MYO9B: variants seen among roughly 807,000 people sequenced by gnomAD.
MYO9B encodes the protein myosin IXB, also known as unconventional myosin-IXb.
In MYO9B, 71 loss-of-function variants were observed where a neutral mutation model predicts 229.5. That is an observed-to-expected ratio of 0.31 (90% CI 0.26 to 0.38). The LOEUF (loss-of-function observed/expected upper bound fraction) is 0.38. MYO9B is among the 10% of genes least tolerant of loss of function. The pLI is 1.00. For missense variants in MYO9B, 2,255 were observed against 2,920.5 expected (o/e 0.77, Z 5.25); for synonymous variants, 1,185 against 1,235.8 (o/e 0.96, Z 0.86).
chr19:17,102,666 T>G (rs2057756509), intron 2 of MYO9B, 109 bp downstream of exon 2: 1 of 1,401,526 alleles, frequency 7.1e-7, no homozygotes. Context: ...TTTGGAAGGC[T>G]GAGGGAGGAG....
At chr19:17,122,029 C>T (rs1203548297) in intron 2 of MYO9B, among the ~76,000 whole-genome samples, 1 of 151,898 alleles carries the variant, frequency 6.6e-6, no homozygotes, top group East Asian at 1.9e-4. Context: ...GTTCAAGTCC[C>T]TGTGGTTTGG....
chr19:17,203,324 G>T (rs2073127943), intron 30 of MYO9B, 66 bp downstream of exon 30: 3 of 1,272,170 alleles, frequency 2.4e-6, no homozygotes, highest in Non-Finnish European at 3.3e-6. Context: ...CTGCTCAAGA[G>T]GTCTTCAGGG....
chr19:17,143,194 G>A (rs1003625014), intron 2 of MYO9B, among the ~76,000 whole-genome samples: 5 of 151,756 alleles, frequency 3.3e-5, no homozygotes, highest in South Asian at 2.1e-4. Flanking sequence ...AGCTGAGATC[G>A]TGCCATTGTA....
At chr19:17,109,360 C>T (rs768517082) in intron 2 of MYO9B, among the ~76,000 whole-genome samples, 22 of 152,068 alleles carry the variant, frequency 1.4e-4, no homozygotes, top group Admixed American at 6.6e-5. Context: ...CCACTGCGCC[C>T]GGCCATCATT....
Position 17,203,168 on chromosome 19 carries a change from G to T in MYO9B, c.4900G>T (p.Val1634Leu). ...ERAVQEHNGH[V>L]FASYQVSIPQ... ...ACAGGTCCAGGAGCACAACGGGCAC[G>T]TGTTCGCCAGCTACCAGGTTAGCAT... Residue 1634 changes from valine to leucine, a missense_variant, in exon 30 of 40, where the codon GTG becomes TTG. By Grantham distance (32) the Val-to-Leu change is conservative. This residue lies in a region of MYO9B where 416 missense variants were observed against 605.5 expected (regional missense o/e 0.69). Transcript: ENST00000682292. 4 of 1,575,406 alleles carry T rather than the reference G, an allele frequency of 2.5e-6. No individual in the cohort carries two copies. The highest frequency in any genetic ancestry group is 3.4e-6 in the Non-Finnish European group (4 of 1,160,456).
intron 1 of MYO9B, among the ~76,000 whole-genome samples, chr19:17,099,459 T>C (rs917914133): frequency 2.3e-4 from 35 of 151,064 alleles, no homozygotes; most frequent in African/African-American, 7.3e-4. Flanking sequence ...AAAGCCCAGA[T>C]TGGCCTGGCG....
intron 1 of MYO9B, among the ~76,000 whole-genome samples, chr19:17,096,897 G>A (rs1318396549): frequency 8.1e-6 from 1 of 123,886 alleles, no homozygotes; most frequent in African/African-American, 3.2e-5. Flanking sequence ...AGTAGAGATG[G>A]GGTTTCACCA....
intron 34 of MYO9B, 143 bp from the exon 35 acceptor site, chr19:17,206,968 CTG>C: frequency 7.5e-7 from 1 of 1,330,612 alleles, no homozygotes; most frequent in Non-Finnish European, 1.1e-6. Context: ...AGGTACCTCT[CTG>C]TGCTGCGGAA....
At chr19:17,116,569 C>G (rs2145103329) in intron 2 of MYO9B, among the ~76,000 whole-genome samples, 1 of 152,308 alleles carries the variant, frequency 6.6e-6, no homozygotes, top group African/African-American at 2.4e-5. Flanking sequence ...GCAGCATTCC[C>G]AGCCCTGGTG....
intron 4 of MYO9B, 140 bp from the exon 5 acceptor site, chr19:17,153,827 A>G: frequency 1.6e-6 from 1 of 637,090 alleles, no homozygotes. Flanking sequence ...TTTTTTTAAG[A>G]CATAGTAAGA....
At chr19:17,145,680 G>A (rs2072400335) in intron 3 of MYO9B, among the ~76,000 whole-genome samples, 189 bp downstream of exon 3, 1 of 152,200 alleles carries the variant, frequency 6.6e-6, no homozygotes, top group Non-Finnish European at 1.5e-5. Flanking sequence ...AGGAAATGTG[G>A]GCAGGGGCTG....
intron 2 of MYO9B, among the ~76,000 whole-genome samples, chr19:17,124,046 G>A (rs903444524): frequency 3.3e-5 from 5 of 151,106 alleles, no homozygotes; most frequent in African/African-American, 7.3e-5. Context: ...CCACCATCAA[G>A]TCTGGCTAAT....
intron 6 of MYO9B, among the ~76,000 whole-genome samples, 161 bp from the exon 7 acceptor site, chr19:17,156,748 C>T (rs1302775195): frequency 6.6e-6 from 1 of 152,162 alleles, no homozygotes; most frequent in African/African-American, 2.4e-5. Context: ...AAGTCACATT[C>T]CACAGAGGCC....
Position 17,187,581 on chromosome 19 carries a change from TA to T in MYO9B, c.2578-348del, listed in dbSNP as rs34376242. On this transcript the variant is annotated intron_variant, in intron 18 of 39. Coordinates refer to ENST00000682292, the MANE Select transcript of MYO9B (RefSeq NM_004145.4). ...TTTTCTTTTTTCTTTCTTTTTTTTT[TA>T]AAAAATAAATTTAAATGACTAGAGA... Among the ~76,000 whole-genome samples, 298 of 149,228 alleles carry T rather than the reference TA, an allele frequency of 2.0e-3. 2 individuals are homozygous for T. The highest frequency in any genetic ancestry group is 7.1e-3 in the African/African-American group (286 of 40,340).
intron 2 of MYO9B, among the ~76,000 whole-genome samples, chr19:17,125,840 C>T (rs549892770): frequency 1.5e-4 from 23 of 152,168 alleles, no homozygotes; most frequent in Non-Finnish European, 1.9e-4. Flanking sequence ...AGCAGCTAGG[C>T]TAGGGGCCCT....
Position 17,189,326 on chromosome 19 carries a change from TAAAAC to T in MYO9B, c.2688+1302_2688+1306del, listed in dbSNP as rs112218960. On this transcript the variant is annotated intron_variant, in intron 19 of 39. Coordinates refer to ENST00000682292, the MANE Select transcript of MYO9B (RefSeq NM_004145.4). ...TGGATGGCAGAGCAAGACCCTGTCT[TAAAAC>T]AAAACAAAACAAAACAAAACTAGAG... 1.7e-4 allele frequency among the ~76,000 whole-genome samples: 25 copies of T among 151,078 alleles called. No individual in the cohort carries two copies. The South Asian group carries it at 2.3e-3, about 14-fold the overall frequency.
chr19:17,187,804 G>A (rs752139650), intron 18 of MYO9B, 131 bp from the exon 19 acceptor site: 56 of 720,574 alleles, frequency 7.8e-5, no homozygotes, highest in African/African-American at 1.4e-4. Context: ...GTCTGTGTTC[G>A]GCATCCCAAG....
chr19:17,145,818 C>T (rs544670488), intron 3 of MYO9B, among the ~76,000 whole-genome samples: 1 of 152,252 alleles, frequency 6.6e-6, no homozygotes, highest in Non-Finnish European at 1.5e-5. Context: ...GATGCGGACT[C>T]TGGCCTTTGC....
At position 17,172,129 on chromosome 19, in the gene MYO9B, C is replaced by T. The variant is rs550675818; in HGVS notation, c.1794-207C>T. Reference sequence around the variant, plus strand: ...CGTCCCAGCCCTCTGCCAGCATGTTCGGCATGAGGCAGGCAGGCGCACTGT... The same window carrying T: ...CGTCCCAGCCCTCTGCCAGCATGTTTGGCATGAGGCAGGCAGGCGCACTGT... On this transcript the variant is annotated intron_variant, in intron 11 of 39. Transcript: ENST00000682292. This position sits in a 1 kb window ranked among gnomAD's most constrained non-coding sequence, Gnocchi z 8.2. 5.9e-5 allele frequency among the ~76,000 whole-genome samples: 9 copies of T among 152,098 alleles called. No individual in the cohort carries two copies. The highest frequency in any genetic ancestry group is 1.2e-4 in the Non-Finnish European group (8 of 67,998).
Sources: gnomAD v4.1 joint callset for allele counts (sites outside exome capture counted in the v4.1 genomes callset) on GRCh38, gnomAD v4.1.1 for gene constraint, gnomAD v4.1.1 regional missense constraint, Gnocchi (gnomAD v3.1) non-coding constraint, MANE v1.5 for transcripts, NCBI Gene and HGNC (gene_info 2026-07-23, HGNC 2026-07-21) for gene names.